HUWE1: variants seen among roughly 807,000 people sequenced by gnomAD.
HUWE1 encodes the protein HECT, UBA and WWE domain containing E3 ubiquitin protein ligase 1.
HUWE1 carries 18 observed loss-of-function variants against 299.4 expected under a neutral mutation model. That is an observed-to-expected ratio of 0.06 (90% CI 0.04 to 0.09). The LOEUF is 0.09. HUWE1 is among the 10% of genes least tolerant of loss of function. The pLI is 1.00. For synonymous variants in HUWE1, 1,317 were observed against 1,286.1 expected (o/e 1.02, Z -0.51); for missense variants, 1,832 against 3,462.3 (o/e 0.53, Z 11.82).
rs781890487 is a variant in HUWE1 at position 53,671,180 on chromosome X, T to A, written c.-25+8869A>T. ...AAAAGACTATAAATTGGGTTCAGTGTATACTGCTCCAGTGATGGGTGCACC... is the reference window on the plus strand; with the variant it reads ...AAAAGACTATAAATTGGGTTCAGTGAATACTGCTCCAGTGATGGGTGCACC... On this transcript the variant is annotated intron_variant, in intron 3 of 83. Transcript: ENST00000262854. 2.0e-4 allele frequency among the ~76,000 whole-genome samples: 22 copies of A among 111,609 alleles called. No individual in the cohort carries two copies. The East Asian group carries it at 5.9e-3, about 30-fold the overall frequency.
intron 50 of HUWE1, 37 bp from the exon 51 acceptor site, chrX:53,564,759 G>C (rs2062446777): frequency 8.3e-7 from 1 of 1,208,032 alleles, no homozygotes; most frequent in Non-Finnish European, 1.1e-6. Flanking sequence ...TAATCAAAGA[G>C]TGCCTATGTG....
rs782368092 is a variant in HUWE1, at chrX:53,595,273, C to T, written c.3294G>A (p.Ala1098=). Residue 1098 remains alanine (A), a synonymous_variant, in exon 30 of 84, where the codon GCG becomes GCA. Coordinates refer to ENST00000262854, the MANE Select transcript of HUWE1 (RefSeq NM_031407.7). ...TAGTGAGAGCTGAGGCTGTTGATCG[C>T]GCGGCAGGTGTCGGTGCTGTAGTGG... The part of the protein sequence containing the change: ...ASTTTAPTPA[A]RSTASALTKL... 2.2e-5 allele frequency: 26 copies of T among 1,209,002 alleles called. No individual in the cohort carries two copies. Among genetic ancestry groups the T allele is most frequent in the African/African-American group, 3.5e-5 (2 of 56,836 alleles).
At position 53,648,275 on chromosome X, in the gene HUWE1, T is replaced by C; in HGVS notation, c.81A>G (p.Lys27=). The change falls in exon 5 of 84, where the codon AAA becomes AAG. Residue 27 remains lysine (K), a synonymous_variant. Transcript: ENST00000262854. The stretch of plus-strand genomic sequence containing the variant: ...AGAGAAGTTGCTCATCATTACAAAC[T>C]TTGAGTTTGTCTATTAAGGCTCTGC... ...ADCRALIDKL[K]VCNDEQLLLE... The C allele has an allele frequency of 8.3e-7, 1 of 1,200,022 alleles. No homozygotes were observed. The highest frequency in any genetic ancestry group is 1.1e-6 in the Non-Finnish European group (1 of 885,157).
chrX:53,626,558 G>A (rs1291983823), intron 17 of HUWE1, among the ~76,000 whole-genome samples: 1 of 111,205 alleles, frequency 9.0e-6, no homozygotes, highest in Non-Finnish European at 1.9e-5. Flanking sequence ...ACATGTATTT[G>A]AATATGCATA....
rs782289529 is a variant in HUWE1, at chrX:53,611,211, A to G, written c.2262-2302T>C. On this transcript the variant is annotated intron_variant, in intron 23 of 83. Coordinates refer to ENST00000262854, the MANE Select transcript of HUWE1 (RefSeq NM_031407.7). ...TGTAAAAAAAAAAAAAAAAAAAAAG[A>G]AAGGGTAGTGTCTAAGCCTGGAAAA... 8.7e-3 allele frequency among the ~76,000 whole-genome samples: 932 copies of G among 107,555 alleles called. 15 individuals carry two copies. The highest frequency in any genetic ancestry group is 0.03 in the African/African-American group (893 of 29,441). The allele number at this position is 107,555 out of a possible 115,157, so 93.4% of individuals were successfully genotyped here. A position where few individuals can be genotyped will look rare whatever the true frequency, so the allele number is the denominator to read the frequency against.
At chrX:53,683,852 C>A (rs60081219) in intron 2 of HUWE1, 22,943 of 115,954 alleles carry the variant, frequency 0.2, 4,561 homozygotes, top group African/African-American at 0.64. Flanking sequence ...CACTGCCCCC[C>A]CACCCCCCAC....
intron 25 of HUWE1, among the ~76,000 whole-genome samples, chrX:53,606,235 C>T (rs2065146610): frequency 8.9e-6 from 1 of 112,079 alleles, no homozygotes; most frequent in African/African-American, 3.2e-5. Flanking sequence ...GGTATTAATA[C>T]GTGTACAAGA....
rs72620329 is a variant in HUWE1, at chrX:53,569,400, A to C, written c.6524+216T>G. The stretch of plus-strand genomic sequence containing the variant: ...CCTTGAAGACCTTAAAAGTACACTT[A>C]ACATTTCCCTTTGTTTTCTCTAGGT... On this transcript the variant is annotated intron_variant, in intron 48 of 83. Transcript: ENST00000262854. Among the ~76,000 whole-genome samples, 59 of 112,860 alleles carry C rather than the reference A, an allele frequency of 5.2e-4. No individual in the cohort carries two copies. In the East Asian group the frequency reaches 0.014, roughly 28 times the overall value.
intron 76 of HUWE1, 68 bp from the exon 77 acceptor site, chrX:53,538,522 A>G: frequency 1.3e-6 from 1 of 741,357 alleles, no homozygotes; most frequent in Non-Finnish European, 2.1e-6. Flanking sequence ...ACAGCCAACC[A>G]GCTAGCAACT....
intron 73 of HUWE1, 81 bp from the exon 74 acceptor site, chrX:53,542,620 T>G (rs2061389592): frequency 1.6e-6 from 1 of 644,694 alleles, no homozygotes; most frequent in Non-Finnish European, 2.6e-6. Flanking sequence ...GCCCTTCCAC[T>G]TCTCATACAT....
intron 23 of HUWE1, among the ~76,000 whole-genome samples, chrX:53,609,796 G>C (rs1003218414): frequency 8.9e-6 from 1 of 112,243 alleles, no homozygotes; most frequent in Non-Finnish European, 1.9e-5. Context: ...GACAGAGGGA[G>C]AGGTAGAGGA....
At chrX:53,561,017 A>C (rs2062261197) in intron 55 of HUWE1, among the ~76,000 whole-genome samples, 1 of 112,203 alleles carries the variant, frequency 8.9e-6, no homozygotes, top group Non-Finnish European at 1.9e-5. Flanking sequence ...TGAAAATCAC[A>C]AAAATGCAAA....
chrX:53,548,078 C>T lies in HUWE1; in HGVS notation c.10231G>A (p.Val3411Met). 2 of 1,209,477 alleles carry T rather than the reference C, an allele frequency of 1.7e-6. No homozygotes were observed. Among genetic ancestry groups the T allele is most frequent in the Non-Finnish European group, 2.2e-6 (2 of 894,186 alleles). The change falls in exon 68 of 84, where the codon GTG becomes ATG. Residue 3411 changes from valine to methionine, a missense_variant. Val to Met is a conservative substitution (Grantham distance 21). Transcript: ENST00000262854. The stretch of plus-strand genomic sequence containing the variant: ...CCCTCACCGCCAGCGCTCACTGGCA[C>T]TGACTTCACGGAGTTCTTGCCTTTC... ...SRKGKNSVKS[V>M]PVSAGGEGET...
intron 3 of HUWE1, among the ~76,000 whole-genome samples, chrX:53,670,703 A>C (rs1398718168): frequency 1.8e-5 from 2 of 112,080 alleles, no homozygotes; most frequent in African/African-American, 6.5e-5. Flanking sequence ...AAGATATTTA[A>C]AGAAATGTAA....
intron 3 of HUWE1, among the ~76,000 whole-genome samples, chrX:53,663,614 C>G (rs782213466): frequency 9.0e-6 from 1 of 111,536 alleles, no homozygotes; most frequent in South Asian, 3.8e-4. Flanking sequence ...CTTATGTTCT[C>G]AAGTGGCTGC....
chrX:53,646,792 A>G (rs1000758583), intron 6 of HUWE1, among the ~76,000 whole-genome samples: 18 of 112,289 alleles, frequency 1.6e-4, no homozygotes, highest in Non-Finnish European at 2.8e-4. Flanking sequence ...CTAACTAATG[A>G]TGATAAAAAG....
intron 13 of HUWE1, 133 bp from the exon 14 acceptor site, chrX:53,629,035 T>C: frequency 3.8e-6 from 2 of 532,385 alleles, no homozygotes; most frequent in Non-Finnish European, 6.2e-6. Flanking sequence ...TGGAGGTCTG[T>C]TGAGAGCAAC....
chrX:53,605,927 CT>C (rs1434965609), intron 25 of HUWE1, among the ~76,000 whole-genome samples: 6 of 111,663 alleles, frequency 5.4e-5, no homozygotes, highest in Admixed American at 9.5e-5. Context: ...AAAGGACAGA[CT>C]TTTACCATAT....
rs2031456494 is a variant in HUWE1 at position 53,556,542 on chromosome X, T to C, written c.8206+840A>G. On this transcript the variant is annotated intron_variant, in intron 60 of 83. Transcript: ENST00000262854. ...GGCAGAAGAATGTTCTGAGGAAATATGGGTGGGGGAGACATATGATATCAC... is the reference window on the plus strand; with the variant it reads ...GGCAGAAGAATGTTCTGAGGAAATACGGGTGGGGGAGACATATGATATCAC... Among the ~76,000 whole-genome samples the C allele has an allele frequency of 3.6e-5, 4 of 111,673 alleles. No individual in the cohort carries two copies. In the South Asian group the frequency reaches 1.1e-3, roughly 32 times the overall value.
Sources: gnomAD v4.1 joint callset for allele counts (sites outside exome capture counted in the v4.1 genomes callset) on GRCh38, gnomAD v4.1.1 for gene constraint, MANE v1.5 for transcripts, NCBI Gene and HGNC (gene_info 2026-07-23, HGNC 2026-07-21) for gene names.